The following LSMEM1 variants were observed in gnomAD, a reference collection of about 807,000 sequenced individuals.
LSMEM1 encodes leucine-rich single-pass membrane protein 1.
In LSMEM1, 10 loss-of-function variants were observed where a neutral mutation model predicts 11.3. That is an observed-to-expected ratio of 0.89 (90% CI 0.55 to 1.50). The LOEUF is 1.50. Ranked by LOEUF, LSMEM1 falls within the 40% of genes most tolerant of loss-of-function variation. The pLI is 0.00. For synonymous variants in LSMEM1, 65 were observed against 59.3 expected (o/e 1.10, Z -0.44); for missense variants, 151 against 152.9 (o/e 0.99, Z 0.06).
At chr7:112,485,589 ATATC>A (rs1229742874) in intron 2 of LSMEM1, among the ~76,000 whole-genome samples, 1 of 152,064 alleles carries the variant, frequency 6.6e-6, no homozygotes, top group African/African-American at 2.4e-5. Context: ...TTCCAATTTT[ATATC>A]TATTATTTCC....
At chr7:112,487,126 A>T in intron 3 of LSMEM1, 75 bp downstream of exon 3, 3 of 1,532,514 alleles carry the variant, frequency 2.0e-6, no homozygotes, top group South Asian at 2.3e-5. Context: ...GCTCCCACAA[A>T]GTTTGCACCC....
At chr7:112,487,721 G>A (rs1333486858) in intron 3 of LSMEM1, among the ~76,000 whole-genome samples, 3 of 152,246 alleles carry the variant, frequency 2.0e-5, no homozygotes, top group Admixed American at 2.0e-4. Flanking sequence ...CTCTGCCTTG[G>A]ATGTGGGAGG....
Position 112,486,925 on chromosome 7 carries a change from C to T in LSMEM1, c.130C>T (p.Leu44=). ...GTTTTTTGTTTGTTTCATATTAGCTCTAGAGGACAAAATCCCAGTCCTTGG... is the reference window on the plus strand; with the variant it reads ...GTTTTTTGTTTGTTTCATATTAGCTTTAGAGGACAAAATCCCAGTCCTTGG... ...CPAGSQHLFP[L]EDKIPVLGTN... Residue 44 remains leucine, a splice_region_variant and synonymous_variant, in exon 3 of 4, where the codon CTA becomes TTA. Coordinates refer to ENST00000312849, the MANE Select transcript of LSMEM1 (RefSeq NM_182597.3). 1 of 1,614,008 alleles carries T rather than the reference C, an allele frequency of 6.2e-7. No individual in the cohort carries two copies. The highest frequency in any genetic ancestry group is 1.7e-5 in the Admixed American group (1 of 59,992).
Position 112,490,039 on chromosome 7 carries a change from C to T in LSMEM1, c.*90C>T. On this transcript the variant is annotated 3_prime_UTR_variant, in exon 4 of 4. Coordinates refer to ENST00000312849, the MANE Select transcript of LSMEM1 (RefSeq NM_182597.3). ...GGTTAGGAACTGAGAAAGTGCACTT[C>T]CTCAGGCAACAGATGATCTGGTCAG... The T allele has an allele frequency of 1.4e-6, 2 of 1,401,408 alleles. No homozygotes were observed. Among genetic ancestry groups the T allele is most frequent in the Non-Finnish European group, 1.9e-6 (2 of 1,040,406 alleles). The allele number at this position is 1,401,408 out of a possible 1,614,324, so 86.8% of individuals were successfully genotyped here.
intron 2 of LSMEM1, 96 bp downstream of exon 2, chr7:112,485,039 G>GGGGGC: frequency 7.5e-7 from 1 of 1,330,388 alleles, no homozygotes; most frequent in Non-Finnish European, 1.0e-6. Flanking sequence ...GGTGGAGGGG[G>GGGGGC]AGGGGGCATT....
intron 1 of LSMEM1, among the ~76,000 whole-genome samples, chr7:112,482,492 A>C (rs1221147401): frequency 6.6e-6 from 1 of 152,248 alleles, no homozygotes; most frequent in African/African-American, 2.4e-5. Context: ...AGATCCAAAA[A>C]TGAACCATGC....
In LSMEM1 at chr7:112,490,015, G is replaced by A. The variant is rs573233530; in HGVS notation, c.*66G>A. 1 of 1,515,436 alleles carries A rather than the reference G, an allele frequency of 6.6e-7. No homozygotes were observed. The highest frequency in any genetic ancestry group is 1.4e-5 in the African/African-American group (1 of 71,898). The allele number at this position is 1,515,436 out of a possible 1,614,324, so 93.9% of individuals were successfully genotyped here. A position where few individuals can be genotyped will look rare whatever the true frequency, so the allele number is the denominator to read the frequency against. ...TTTTACTTTCCTGGGAGTGTACAGG[G>A]TTAGGAACTGAGAAAGTGCACTTCC... On this transcript the variant is annotated 3_prime_UTR_variant, in exon 4 of 4. Transcript: ENST00000312849.
At chr7:112,485,036 G>T in intron 2 of LSMEM1, 93 bp downstream of exon 2, 2 of 1,367,020 alleles carry the variant, frequency 1.5e-6, no homozygotes, top group Non-Finnish European at 2.0e-6. Flanking sequence ...TGTGGTGGAG[G>T]GGGAGGGGGC....
chr7:112,485,535 A>G (rs1192981944), intron 2 of LSMEM1, among the ~76,000 whole-genome samples: 1 of 152,200 alleles, frequency 6.6e-6, no homozygotes, highest in Non-Finnish European at 1.5e-5. Context: ...ACCAGTGTTA[A>G]TTGCTCACTT....
At chr7:112,488,760 C>T (rs1796184974) in intron 3 of LSMEM1, among the ~76,000 whole-genome samples, 1 of 152,158 alleles carries the variant, frequency 6.6e-6, no homozygotes, top group Non-Finnish European at 1.5e-5. Flanking sequence ...CCATGCCCAG[C>T]TAATTTTTGT....
chr7:112,489,930 T>A lies in LSMEM1; in HGVS notation c.377T>A (p.Leu126Gln). 1 of 1,613,436 alleles carries A rather than the reference T, an allele frequency of 6.2e-7. No homozygotes were observed. Among genetic ancestry groups the A allele is most frequent in the Non-Finnish European group, 8.5e-7 (1 of 1,179,800 alleles). Residue 126 changes from leucine to glutamine, a missense_variant, in exon 4 of 4, where the codon CTG (leucine) becomes CAG (glutamine). Leu to Gln is a moderately radical substitution (Grantham distance 113). Transcript: ENST00000312849. ...AAGCGACTCAACCAACTCAACCAAC[T>A]GGACTCTGAACAAAACTAAAGGAAT... The part of the protein sequence containing the change: ...IVKRLNQLNQ[L>Q]DSEQN
At chr7:112,486,322 C>A in intron 2 of LSMEM1, 1 of 444,066 alleles carries the variant, frequency 2.3e-6, no homozygotes, top group Non-Finnish European at 4.6e-6. Flanking sequence ...CCTCTCCCCA[C>A]ACACAAAAAT....
chr7:112,483,845 C>G (rs760163531), intron 1 of LSMEM1, among the ~76,000 whole-genome samples: 31 of 152,302 alleles, frequency 2.0e-4, no homozygotes, highest in Non-Finnish European at 2.8e-4. Context: ...CTTTCTAGAT[C>G]CAAACATCCT....
Position 112,481,395 on chromosome 7 carries a change from C to G in LSMEM1, c.-6+49C>G, listed in dbSNP as rs374926291. ...TCTACTGAGACTGAATTATGATTCT[C>G]GAGTCTGGGAAGTTTTTGTTGCATG... On this transcript the variant is annotated intron_variant, in intron 1 of 3. Coordinates refer to ENST00000312849, the MANE Select transcript of LSMEM1 (RefSeq NM_182597.3). The G allele has an allele frequency of 6.6e-5, 10 of 152,168 alleles. 1 individual carries two copies. Among genetic ancestry groups the G allele is most frequent in the African/African-American group, 2.4e-4 (10 of 41,400 alleles). The allele number at this position is 152,168 out of a possible 1,614,324, so 9.4% of individuals were successfully genotyped here.
Position 112,487,047 on chromosome 7 carries a change from A to G in LSMEM1, c.252A>G (p.Leu84=), listed in dbSNP as rs1796146019. ...CACTGGTTTTTTTCGTGATATTTCT[A>G]ATAGGTAAGTACCACCACAGGTTTC... The part of the protein sequence containing the change: ...SLALVFFVIF[L]IVQTGNKMDD... Residue 84 remains leucine (L), a synonymous_variant, in exon 3 of 4, where the codon CTA becomes CTG. Coordinates refer to ENST00000312849, the MANE Select transcript of LSMEM1 (RefSeq NM_182597.3). 1 of 1,613,990 alleles carries G rather than the reference A, an allele frequency of 6.2e-7. No homozygotes were observed.
intron 1 of LSMEM1, among the ~76,000 whole-genome samples, chr7:112,484,330 C>G (rs1796086864): frequency 6.6e-6 from 1 of 152,206 alleles, no homozygotes; most frequent in African/African-American, 2.4e-5. Flanking sequence ...TGGTAATATT[C>G]TCTTTTTTCA....
At chr7:112,485,119 C>G (rs771766388) in intron 2 of LSMEM1, among the ~76,000 whole-genome samples, 176 bp downstream of exon 2, 9 of 152,080 alleles carry the variant, frequency 5.9e-5, no homozygotes, top group Non-Finnish European at 8.8e-5. Context: ...GAATACTTGA[C>G]AGGATTATGG....
intron 1 of LSMEM1, among the ~76,000 whole-genome samples, chr7:112,482,241 C>G (rs1261613986): frequency 6.6e-6 from 1 of 152,132 alleles, no homozygotes; most frequent in East Asian, 1.9e-4. Flanking sequence ...CATTTTCTTT[C>G]AAAGCACGTC....
intron 3 of LSMEM1, among the ~76,000 whole-genome samples, chr7:112,488,664 T>C (rs1796183328): frequency 1.3e-5 from 2 of 152,078 alleles, no homozygotes; most frequent in South Asian, 4.1e-4. Flanking sequence ...AGTGGCGTGA[T>C]CTCAGCTCAC....
Sources: gnomAD v4.1 joint callset for allele counts (sites outside exome capture counted in the v4.1 genomes callset) on GRCh38, gnomAD v4.1.1 for gene constraint, MANE v1.5 for transcripts, NCBI Gene and HGNC (gene_info 2026-07-23, HGNC 2026-07-21) for gene names.